Variants in CCDC80 observed in about 807,000 individuals in gnomAD.
The protein encoded by CCDC80 is coiled-coil domain containing 80, also known as coiled-coil domain-containing protein 80.
A neutral mutation model predicts 78.7 loss-of-function variants in CCDC80; 49 were observed. The ratio of observed to expected loss-of-function variants is 0.62; its 90% CI spans 0.50 to 0.79. The LOEUF (loss-of-function observed/expected upper bound fraction) is 0.79. Among genes scored for constraint, CCDC80 ranks in the 30% least tolerant of loss-of-function variants. CCDC80 has a pLI of 0.00. For missense variants in CCDC80, 1,205 were observed against 1,198.6 expected (o/e 1.01, Z -0.08); for synonymous variants, 488 against 447.0 (o/e 1.09, Z -1.16).
intron 3 of CCDC80, among the ~76,000 whole-genome samples, chr3:112,629,329 G>A (rs189150462): frequency 6.6e-6 from 1 of 150,714 alleles, no homozygotes; most frequent in East Asian, 1.9e-4. Flanking sequence ...ACAGTAGAAA[G>A]TGCATATAAG....
Position 112,639,656 on chromosome 3 carries a change from TC to T in CCDC80, c.249del (p.Arg84AspfsTer2). 3 of 1,614,132 alleles carry T rather than the reference TC, an allele frequency of 1.9e-6. No homozygotes were observed. The highest frequency in any genetic ancestry group is 2.5e-6 in the Non-Finnish European group (3 of 1,180,032). ...PLQRRRSVPVLRLARPTEPPA... is the reference protein window; with the variant it reads ...PLQRRRSVPVXRLARPTEPPA... Reference sequence around the variant, plus strand: ...GGCGGCTCTGTTGGGCGAGCTAGTCTCAACACGGGCACACTCCTCCTTCTCT... The same window carrying T: ...GGCGGCTCTGTTGGGCGAGCTAGTCTAACACGGGCACACTCCTCCTTCTCT... On this transcript the variant is annotated frameshift_variant, in exon 2 of 8. Transcript: ENST00000206423. LOFTEE classifies it high-confidence loss of function.
At position 112,597,131 on chromosome 3, in the gene CCDC80, C is replaced by T. The variant is rs1227119127; in HGVS notation, c.*8286G>A. 6.6e-6 allele frequency: 1 copy of T among 152,210 alleles called. No homozygotes were observed. Among genetic ancestry groups the T allele is most frequent in the Non-Finnish European group, 1.5e-5 (1 of 68,044 alleles). 9.4% of individuals were successfully genotyped at this position (152,210 alleles called of 1,614,324 possible). ...TAGTTTCAGACTATAAACAACACAT[C>T]ATAAATCCCACTGCCCTTATCTTGG... On this transcript the variant is annotated 3_prime_UTR_variant, in exon 8 of 8. Transcript: ENST00000206423.
chr3:112,633,656 T>C (rs2107493453), intron 2 of CCDC80, among the ~76,000 whole-genome samples: 1 of 152,162 alleles, frequency 6.6e-6, no homozygotes, highest in East Asian at 1.9e-4. Context: ...GCTACGACTT[T>C]ACCAGTTGGT....
At chr3:112,606,772 T>C (rs897804561) in intron 7 of CCDC80, among the ~76,000 whole-genome samples, 1 of 115,908 alleles carries the variant, frequency 8.6e-6, no homozygotes, top group African/African-American at 2.6e-5. Context: ...CTGAGCCTTT[T>C]AGTGTATGTC....
chr3:112,624,696 T>C (rs995622833), intron 3 of CCDC80, among the ~76,000 whole-genome samples: 7 of 152,190 alleles, frequency 4.6e-5, no homozygotes, highest in African/African-American at 1.7e-4. Context: ...GAGTGTGTCC[T>C]GTCCAAGTGA....
intron 3 of CCDC80, among the ~76,000 whole-genome samples, chr3:112,620,600 G>C (rs1935845508): frequency 6.6e-6 from 1 of 152,054 alleles, no homozygotes. Flanking sequence ...ACATTCATTT[G>C]GAAATACACA....
chr3:112,600,493 CCT>C lies in CCDC80; in HGVS notation c.*4922_*4923del, dbSNP rs948381252. The C allele has an allele frequency of 2.6e-5, 4 of 151,776 alleles. No individual in the cohort carries two copies. The highest frequency in any genetic ancestry group is 7.3e-5 in the African/African-American group (3 of 41,232). 9.4% of individuals were successfully genotyped at this position (151,776 alleles called of 1,614,324 possible). Reference sequence around the variant, plus strand: ...TTCATTTTCTTGGGAGATGAAACTCCCTCTTTTTTTTGGTGGGGAGACAGGGT... The same window carrying C: ...TTCATTTTCTTGGGAGATGAAACTCCCTTTTTTTTGGTGGGGAGACAGGGT... On this transcript the variant is annotated 3_prime_UTR_variant, in exon 8 of 8. Coordinates refer to ENST00000206423, the MANE Select transcript of CCDC80 (RefSeq NM_199511.3).
chr3:112,615,877 C>T (rs1352982737), intron 5 of CCDC80, among the ~76,000 whole-genome samples: 2 of 152,114 alleles, frequency 1.3e-5, no homozygotes, highest in Non-Finnish European at 2.9e-5. Flanking sequence ...AACAATCCAC[C>T]CCTTGTTTAG....
chr3:112,641,048 A>G lies in CCDC80; in HGVS notation c.-733T>C, dbSNP rs1197152925. On this transcript the variant is annotated 5_prime_UTR_variant, in exon 1 of 8. Transcript: ENST00000206423. The stretch of plus-strand genomic sequence containing the variant: ...CAAACAACAGCAGCCACTGGAAATC[A>G]AGGAAACTTCACTAAGAATTTAACA... 2 of 152,276 alleles carry G rather than the reference A, an allele frequency of 1.3e-5. No individual in the cohort carries two copies. The highest frequency in any genetic ancestry group is 4.8e-5 in the African/African-American group (2 of 41,456). 9.4% of individuals were successfully genotyped at this position (152,276 alleles called of 1,614,324 possible). A position where few individuals can be genotyped will look rare whatever the true frequency, so the allele number is the denominator to read the frequency against.
intron 3 of CCDC80, 56 bp from the exon 4 acceptor site, chr3:112,619,160 G>A: frequency 1.4e-6 from 2 of 1,472,616 alleles, no homozygotes; most frequent in Non-Finnish European, 1.8e-6. Context: ...AAATCATTGG[G>A]AGGTGAATGG....
At chr3:112,635,998 A>G (rs1936200445) in intron 2 of CCDC80, among the ~76,000 whole-genome samples, 1 of 152,186 alleles carries the variant, frequency 6.6e-6, no homozygotes, top group Non-Finnish European at 1.5e-5. Context: ...CGGCAATGGG[A>G]AATATTTGCC....
intron 1 of CCDC80, 48 bp from the exon 2 acceptor site, chr3:112,639,964 A>G: frequency 6.5e-7 from 1 of 1,542,854 alleles, no homozygotes; most frequent in Non-Finnish European, 8.7e-7. Flanking sequence ...GGGAAAAAAG[A>G]AAGAAAATTA....
chr3:112,606,107 C>T (rs962098424), intron 7 of CCDC80, among the ~76,000 whole-genome samples: 1 of 152,192 alleles, frequency 6.6e-6, no homozygotes, highest in African/African-American at 2.4e-5. Context: ...AAGTTTATTT[C>T]CAATTAGCTT....
At chr3:112,619,240 CA>C (rs1172811203) in intron 3 of CCDC80, 136 bp from the exon 4 acceptor site, 3 of 730,544 alleles carry the variant, frequency 4.1e-6, no homozygotes, top group Non-Finnish European at 6.0e-6. Flanking sequence ...TGTGTTTGAA[CA>C]AAAGTTTTCG....
chr3:112,607,069 A>G (rs1935528711), intron 7 of CCDC80, 107 bp downstream of exon 7: 1 of 756,936 alleles, frequency 1.3e-6, no homozygotes, highest in Non-Finnish European at 2.1e-6. Context: ...GGAGGATTCA[A>G]TGAACTTTGT....
At position 112,604,060 on chromosome 3, in the gene CCDC80, T is replaced by C. The variant is rs1312310940; in HGVS notation, c.*1357A>G. 6.6e-6 allele frequency: 1 copy of C among 152,228 alleles called. No individual in the cohort carries two copies. Among genetic ancestry groups the C allele is most frequent in the Non-Finnish European group, 1.5e-5 (1 of 68,028 alleles). 9.4% of individuals were successfully genotyped at this position (152,228 alleles called of 1,614,324 possible). On this transcript the variant is annotated 3_prime_UTR_variant, in exon 8 of 8. Coordinates refer to ENST00000206423, the MANE Select transcript of CCDC80 (RefSeq NM_199511.3). ...AATCTCATTACAAAAGTTTAATAGATGAAGACTTGCTTCTTATGAATGAAC... is the reference window on the plus strand; with the variant it reads ...AATCTCATTACAAAAGTTTAATAGACGAAGACTTGCTTCTTATGAATGAAC...
chr3:112,606,110 A>G (rs1935482882), intron 7 of CCDC80, among the ~76,000 whole-genome samples: 1 of 152,236 alleles, frequency 6.6e-6, no homozygotes, highest in African/African-American at 2.4e-5. Context: ...TTTATTTCCA[A>G]TTAGCTTAGT....
rs1936328534 is a variant in CCDC80 at position 112,641,023 on chromosome 3, C to CA, written c.-709dup. On this transcript the variant is annotated 5_prime_UTR_variant, in exon 1 of 8. Transcript: ENST00000206423. ...CCTCAGTTTTGCTCCAAACCAAACT[C>CA]AAACAACAGCAGCCACTGGAAATCA... 1 of 152,176 alleles carries CA rather than the reference C, an allele frequency of 6.6e-6. No individual in the cohort carries two copies. The highest frequency in any genetic ancestry group is 2.1e-4 in the South Asian group (1 of 4,828). The allele number at this position is 152,176 out of a possible 1,614,324, so 9.4% of individuals were successfully genotyped here.
At chr3:112,636,753 T>C (rs1354905296) in intron 2 of CCDC80, among the ~76,000 whole-genome samples, 1 of 152,206 alleles carries the variant, frequency 6.6e-6, no homozygotes, top group Non-Finnish European at 1.5e-5. Flanking sequence ...GCAGTTACCT[T>C]GTGCCTTCAA....
Sources: allele counts gnomAD v4.1 joint callset (sites outside exome capture counted in the v4.1 genomes callset), GRCh38; gene constraint gnomAD v4.1.1; transcripts MANE v1.5; gene names NCBI Gene and HGNC (gene_info 2026-07-23, HGNC 2026-07-21).